OSBPL10: variants seen among roughly 807,000 people sequenced by gnomAD.
OSBPL10 encodes oxysterol binding protein like 10.
In OSBPL10, 49 loss-of-function variants were observed where a neutral mutation model predicts 81.7. That is an observed-to-expected ratio of 0.60 (90% CI 0.48 to 0.76). The LOEUF (loss-of-function observed/expected upper bound fraction) is 0.76. Ranked by LOEUF, OSBPL10 falls within the 30% of genes least tolerant of loss-of-function variation. OSBPL10 has a pLI of 0.00. For synonymous variants in OSBPL10, 419 were observed against 383.6 expected, an observed-to-expected ratio of 1.09 and a Z score of -1.08; for missense variants, 923 against 987.8, an observed-to-expected ratio of 0.93 and a Z score of 0.88.
At chr3:31,716,533 G>A (rs899393416) in intron 6 of OSBPL10, among the ~76,000 whole-genome samples, 20 of 152,162 alleles carry the variant, frequency 1.3e-4, no homozygotes, top group African/African-American at 4.8e-4. Context: ...GGGGCTATGA[G>A]GAACAGCAGA....
chr3:31,720,048 ATATATATAT>A (rs1696584813), intron 6 of OSBPL10, among the ~76,000 whole-genome samples: 1 of 148,516 alleles, frequency 6.7e-6, no homozygotes, highest in African/African-American at 2.5e-5. Context: ...TAAAGAACAT[ATATATATAT>A]TATATATATT....
intron 3 of OSBPL10, among the ~76,000 whole-genome samples, chr3:31,872,622 C>CTT (rs71097452): frequency 0.014 from 1,820 of 127,820 alleles, 79 homozygotes; most frequent in African/African-American, 0.05. Context: ...AATTCAAAAG[C>CTT]TTTTTTTTTT....
intron 3 of OSBPL10, among the ~76,000 whole-genome samples, chr3:31,867,057 A>G (rs945023537): frequency 3.3e-5 from 5 of 152,198 alleles, no homozygotes; most frequent in African/African-American, 1.2e-4. Flanking sequence ...CCTAGCAAGG[A>G]AAATAAGCCC....
chr3:32,026,057 T>TAGATGATTGATAGATA (rs58717718), intron 2 of OSBPL10, among the ~76,000 whole-genome samples: 2 of 111,232 alleles, frequency 1.8e-5, no homozygotes, highest in South Asian at 6.8e-4. Context: ...GATAGATAGA[T>TAGATGATTGATAGATA]GATAGATAGA....
At chr3:31,982,852 G>A (rs535588240), upstream of OSBPL10, among the ~76,000 whole-genome samples, 1 of 152,344 alleles carries the variant, frequency 6.6e-6, no homozygotes, top group East Asian at 1.9e-4. Context: ...CCTATGGAAA[G>A]AGTATCCTTC....
At chr3:32,037,493 T>A (rs13095698) in intron 2 of OSBPL10, 65 of 181,390 alleles carry the variant, frequency 3.6e-4, no homozygotes, top group Middle Eastern at 5.0e-3. Context: ...TCTAAAAAAA[T>A]TTTTTTTTTC....
intron 1 of OSBPL10, among the ~76,000 whole-genome samples, chr3:31,895,901 T>C (rs1369988571): frequency 6.6e-6 from 1 of 152,176 alleles, no homozygotes; most frequent in Non-Finnish European, 1.5e-5. Context: ...TACATCACCA[T>C]ATTAAAGGAA....
At chr3:31,954,633 GAC>G (rs1697957472) in intron 1 of OSBPL10, among the ~76,000 whole-genome samples, 1 of 152,144 alleles carries the variant, frequency 6.6e-6, no homozygotes, top group Non-Finnish European at 1.5e-5. Context: ...AGGAGCAAGA[GAC>G]ACAACAGAAG....
intron 1 of OSBPL10, among the ~76,000 whole-genome samples, chr3:31,932,373 T>C (rs1444008901): frequency 6.6e-6 from 1 of 152,194 alleles, no homozygotes; most frequent in Non-Finnish European, 1.5e-5. Flanking sequence ...GTGATTTCGC[T>C]TCCTGCCTTT....
At chr3:32,072,920 G>A (rs1055713876) in intron 1 of OSBPL10, among the ~76,000 whole-genome samples, 2 of 151,990 alleles carry the variant, frequency 1.3e-5, no homozygotes, top group Non-Finnish European at 2.9e-5. Flanking sequence ...ATAGTGGATC[G>A]GCCTTTACTA....
chr3:31,905,345 A>ATTTTTTTTTTTT lies in OSBPL10; in HGVS notation c.282-25527_282-25516dup, dbSNP rs386396290. ...GAGCTCTATGTCAAGGAACCTGGTG[A>ATTTTTTTTTTTT]TTTTTTTTTTTTTTTTTTTTTTTAG... On this transcript the variant is annotated intron_variant, in intron 1 of 11. Coordinates refer to ENST00000396556, the MANE Select transcript of OSBPL10 (RefSeq NM_017784.5). Among the ~76,000 whole-genome samples, 95 of 94,816 alleles carry ATTTTTTTTTTTT rather than the reference A, an allele frequency of 1.0e-3. 11 individuals carry two copies. The highest frequency in any genetic ancestry group is 6.6e-3 in the Middle Eastern group (1 of 152). The allele number at this position is 94,816 out of a possible 152,430, so 62.2% of individuals were successfully genotyped here. A position where few individuals can be genotyped will look rare whatever the true frequency, so the allele number is the denominator to read the frequency against.
chr3:31,985,627 T>C (rs1303970814), upstream of OSBPL10, among the ~76,000 whole-genome samples: 6 of 152,172 alleles, frequency 3.9e-5, no homozygotes, highest in Non-Finnish European at 7.3e-5. Context: ...TGAGTGGACA[T>C]TGACTTCATT....
At chr3:31,792,948 G>T (rs1699069774) in intron 4 of OSBPL10, among the ~76,000 whole-genome samples, 1 of 151,562 alleles carries the variant, frequency 6.6e-6, no homozygotes, top group Non-Finnish European at 1.5e-5. Flanking sequence ...GGATGTTTCT[G>T]GAAGTACCAG....
At chr3:31,877,576 T>TG (rs1337585613) in intron 2 of OSBPL10, among the ~76,000 whole-genome samples, 1 of 144,868 alleles carries the variant, frequency 6.9e-6, no homozygotes, top group Non-Finnish European at 1.5e-5. Flanking sequence ...ATGTTGACTA[T>TG]GAAAAAAAAA....
rs1698319990 is a variant in OSBPL10 at position 31,965,524 on chromosome 3, AT to A, written c.281+15374del. On this transcript the variant is annotated intron_variant, in intron 1 of 11. Transcript: ENST00000396556. ...ATATAAAATAGATAATATATAAACT[AT>A]TATATTATATAAATTATATATTATA... Among the ~76,000 whole-genome samples the A allele has an allele frequency of 1.0e-4, 7 of 67,542 alleles. 2 individuals are homozygous for A. Among genetic ancestry groups the A allele is most frequent in the East Asian group, 4.9e-4 (1 of 2,052 alleles). The allele number at this position is 67,542 out of a possible 152,430, so 44.3% of individuals were successfully genotyped here.
At chr3:32,041,105 A>G (rs1254210718) in intron 2 of OSBPL10, among the ~76,000 whole-genome samples, 1 of 152,158 alleles carries the variant, frequency 6.6e-6, no homozygotes, top group Non-Finnish European at 1.5e-5. Flanking sequence ...ATTAGCCCGG[A>G]GCCAGCTTCC....
chr3:31,674,522 T>C (rs1298228933), intron 8 of OSBPL10, among the ~76,000 whole-genome samples: 2 of 152,130 alleles, frequency 1.3e-5, no homozygotes, highest in African/African-American at 2.4e-5. Context: ...GTCACGTCAC[T>C]GCACTCCAGC....
At chr3:31,881,258 TGC>T (rs1329724452) in intron 1 of OSBPL10, among the ~76,000 whole-genome samples, 59 of 152,284 alleles carry the variant, frequency 3.9e-4, no homozygotes, top group African/African-American at 1.3e-3. Flanking sequence ...GATAGTTCAT[TGC>T]TACTCAGTTA....
At chr3:31,955,230 T>G (rs765719396) in intron 1 of OSBPL10, among the ~76,000 whole-genome samples, 1 of 152,238 alleles carries the variant, frequency 6.6e-6, no homozygotes, top group Non-Finnish European at 1.5e-5. Context: ...GAACCACTAC[T>G]ATACACCAGA....
Sources: gnomAD v4.1 joint callset for allele counts (sites outside exome capture counted in the v4.1 genomes callset) on GRCh38, gnomAD v4.1.1 for gene constraint, MANE v1.5 for transcripts, NCBI Gene and HGNC (gene_info 2026-07-23, HGNC 2026-07-21) for gene names.